The following EHBP1 variants were observed in gnomAD, a reference collection of about 807,000 sequenced individuals.
EHBP1 encodes EH domain-binding protein 1.
Under a neutral mutation model 144.0 loss-of-function variants are expected in EHBP1, and 55 were observed. The observed-to-expected ratio is 0.38, with a 90% CI of 0.31 to 0.48. The LOEUF is 0.48. Ranked by LOEUF, EHBP1 falls within the 20% of genes least tolerant of loss-of-function variation. EHBP1 has a pLI of 0.98. For synonymous variants in EHBP1, 469 were observed against 472.7 expected (o/e 0.99, Z 0.10); for missense variants, 1,200 against 1,364.2 (o/e 0.88, Z 1.90).
chr2:62,696,436 C>T (rs949149682), intron 1 of EHBP1, among the ~76,000 whole-genome samples: 1 of 151,160 alleles, frequency 6.6e-6, no homozygotes, highest in Non-Finnish European at 1.5e-5. Context: ...GGTGAGCTAC[C>T]ATGCCCAGCT....
Position 63,045,873 on chromosome 2 carries a change from CTTG to C in EHBP1, c.*383_*385del, listed in dbSNP as rs541909151. ...TGAGAGGAAAATTTGAAACATTATT[CTTG>C]TTGTTGTTGGTAATAGCATAATGAC... On this transcript the variant is annotated 3_prime_UTR_variant, in exon 23 of 23. Transcript: ENST00000431489. This position sits in a 1 kb window ranked among gnomAD's most constrained non-coding sequence, Gnocchi z 5.7. 2.8e-3 allele frequency: 506 copies of C among 182,094 alleles called. 3 individuals are homozygous for C. Among genetic ancestry groups the C allele is most frequent in the South Asian group, 0.023 (201 of 8,680 alleles). 11.3% of individuals were successfully genotyped at this position (182,094 alleles called of 1,614,324 possible).
chr2:62,771,509 A>AT lies in EHBP1; in HGVS notation c.312+120dup. ...GTTGCCTTAAGAAAATTAAATAGTG[A>AT]TTTGTAGCTTTTAGAATGTTTTTAA... On this transcript the variant is annotated intron_variant, in intron 5 of 22. Transcript: ENST00000431489. 7 of 705,688 alleles carry AT rather than the reference A, an allele frequency of 9.9e-6. No homozygotes were observed. The East Asian group carries it at 1.9e-4, about 19-fold the overall frequency. 43.7% of individuals were successfully genotyped at this position (705,688 alleles called of 1,614,324 possible). A position where few individuals can be genotyped will look rare whatever the true frequency, so the allele number is the denominator to read the frequency against.
intron 4 of EHBP1, among the ~76,000 whole-genome samples, chr2:62,765,354 C>G (rs945651712): frequency 6.6e-6 from 1 of 152,064 alleles, no homozygotes. Context: ...AAACGTATTT[C>G]ATTGCTTTAA....
chr2:63,020,772 A>G (rs1422081812), intron 19 of EHBP1, among the ~76,000 whole-genome samples: 1 of 151,216 alleles, frequency 6.6e-6, no homozygotes, highest in African/African-American at 2.4e-5. Flanking sequence ...TTTGCCTCCC[A>G]GGTTCAAGCC....
intron 7 of EHBP1, among the ~76,000 whole-genome samples, chr2:62,846,593 G>A (rs566343835): frequency 1.3e-5 from 2 of 152,270 alleles, no homozygotes; most frequent in Admixed American, 1.3e-4. Context: ...AGGCAAGGAT[G>A]TTTGCTCTTA....
At chr2:62,863,401 C>T (rs1021080832) in intron 8 of EHBP1, among the ~76,000 whole-genome samples, 11 of 151,928 alleles carry the variant, frequency 7.2e-5, no homozygotes, top group South Asian at 6.2e-4. Context: ...AAGACCGTGC[C>T]GCTGCACTAC....
intron 16 of EHBP1, among the ~76,000 whole-genome samples, chr2:62,992,315 G>A (rs1352446561): frequency 6.6e-6 from 1 of 151,828 alleles, no homozygotes; most frequent in Non-Finnish European, 1.5e-5. Context: ...TATATGGCTA[G>A]GATATTATAA....
At chr2:62,830,814 T>A (rs1159413012) in intron 6 of EHBP1, among the ~76,000 whole-genome samples, 1 of 152,188 alleles carries the variant, frequency 6.6e-6, no homozygotes, top group Non-Finnish European at 1.5e-5. Flanking sequence ...TAATTTTTAA[T>A]CTTATTAGCT....
intron 10 of EHBP1, among the ~76,000 whole-genome samples, chr2:62,925,078 AC>A (rs1157561823): frequency 6.6e-6 from 1 of 152,242 alleles, no homozygotes; most frequent in Non-Finnish European, 1.5e-5. Flanking sequence ...TAAATGTCAT[AC>A]ATCACATCCA....
chr2:62,800,718 C>A (rs2043918687), intron 5 of EHBP1, among the ~76,000 whole-genome samples: 1 of 152,190 alleles, frequency 6.6e-6, no homozygotes, highest in East Asian at 1.9e-4. Context: ...AAGAAATGAC[C>A]ATATCCTGCC....
At chr2:62,878,741 G>A (rs2051107224) in intron 10 of EHBP1, among the ~76,000 whole-genome samples, 1 of 152,120 alleles carries the variant, frequency 6.6e-6, no homozygotes. Context: ...GGGCACAGTG[G>A]CTCATACCTG....
intron 5 of EHBP1, among the ~76,000 whole-genome samples, chr2:62,800,936 A>G (rs2043934053): frequency 6.6e-6 from 1 of 152,224 alleles, no homozygotes; most frequent in Admixed American, 6.5e-5. Flanking sequence ...TCAACATTGG[A>G]CAAGAAGAAA....
At chr2:62,911,343 C>G (rs1302768577) in intron 10 of EHBP1, among the ~76,000 whole-genome samples, 7 of 152,124 alleles carry the variant, frequency 4.6e-5, no homozygotes, top group Non-Finnish European at 8.8e-5. Context: ...GATGCTACTG[C>G]TATTATTATT....
intron 1 of EHBP1, among the ~76,000 whole-genome samples, chr2:62,699,992 A>G (rs1429677143): frequency 6.6e-6 from 1 of 152,200 alleles, no homozygotes; most frequent in Non-Finnish European, 1.5e-5. Flanking sequence ...AATTAGTGCA[A>G]TCTTAGGTTC....
chr2:62,938,488 G>A (rs1418256560), intron 10 of EHBP1, among the ~76,000 whole-genome samples: 1 of 152,090 alleles, frequency 6.6e-6, no homozygotes, highest in Non-Finnish European at 1.5e-5. Flanking sequence ...TATTTGACTA[G>A]GTTTTCTGAA....
At chr2:62,730,605 A>G (rs1197813757) in intron 2 of EHBP1, among the ~76,000 whole-genome samples, 1 of 152,036 alleles carries the variant, frequency 6.6e-6, no homozygotes, top group Non-Finnish European at 1.5e-5. Flanking sequence ...GCTGCTCTAA[A>G]CATCTTTTTC....
At position 62,759,884 on chromosome 2, in the gene EHBP1, C is replaced by T. The variant is rs545101120; in HGVS notation, c.163-4382C>T. Among the ~76,000 whole-genome samples the T allele has an allele frequency of 1.1e-4, 17 of 152,270 alleles. No individual in the cohort carries two copies. The South Asian group carries it at 3.3e-3, about 30-fold the overall frequency. On this transcript the variant is annotated intron_variant, in intron 3 of 22. Transcript: ENST00000431489. Reference sequence around the variant, plus strand: ...AAAGTTGTAGTAAATTCTTAGAAAACAGTAACACTATTTTTTTTTGGTCAG... The same window carrying T: ...AAAGTTGTAGTAAATTCTTAGAAAATAGTAACACTATTTTTTTTTGGTCAG...
chr2:62,933,598 A>T (rs1234589769), intron 10 of EHBP1, among the ~76,000 whole-genome samples: 1 of 152,208 alleles, frequency 6.6e-6, no homozygotes, highest in East Asian at 1.9e-4. Flanking sequence ...AAATGTTGTC[A>T]CATTTGATTA....
intron 2 of EHBP1, among the ~76,000 whole-genome samples, chr2:62,738,320 T>C (rs1356908413): frequency 6.6e-6 from 1 of 152,202 alleles, no homozygotes; most frequent in Non-Finnish European, 1.5e-5. Flanking sequence ...TAAACATAGT[T>C]AGCAGCTGAG....
Sources: allele counts gnomAD v4.1 joint callset (sites outside exome capture counted in the v4.1 genomes callset), GRCh38; gene constraint gnomAD v4.1.1; non-coding constraint Gnocchi (gnomAD v3.1); transcripts MANE v1.5; gene names NCBI Gene and HGNC (gene_info 2026-07-23, HGNC 2026-07-21).